The following MBNL1 variants were observed in gnomAD, a reference collection of about 807,000 sequenced individuals.
MBNL1 encodes the protein muscleblind-like protein 1.
In MBNL1, 8 loss-of-function variants were observed where a neutral mutation model predicts 42.2. The ratio of observed to expected loss-of-function variants is 0.19; its 90% CI spans 0.11 to 0.34. The LOEUF (loss-of-function observed/expected upper bound fraction) is 0.34, where lower values mean the gene tolerates loss of function less well. Among genes scored for constraint, MBNL1 ranks in the 10% least tolerant of loss-of-function variants. The probability of loss-of-function intolerance (pLI) is 1.00; values close to 1 mark genes in which losing one functional copy is unlikely to be tolerated. For missense variants in MBNL1, 309 were observed against 495.3 expected (o/e 0.62, Z 3.57); for synonymous variants, 169 against 173.9 (o/e 0.97, Z 0.22).
chr3:152,436,289 G>T (rs1228642786), intron 4 of MBNL1, among the ~76,000 whole-genome samples: 2 of 152,156 alleles, frequency 1.3e-5, no homozygotes, highest in Non-Finnish European at 1.5e-5. Flanking sequence ...TTATGAGGAA[G>T]ATACTATTAT....
upstream of MBNL1, chr3:152,267,643 A>G (rs2037588850): frequency 6.6e-6 from 1 of 152,234 alleles, no homozygotes; most frequent in Non-Finnish European, 1.5e-5. Context: ...TAAACGATTA[A>G]CGCTGGGAAG....
intron 2 of MBNL1, among the ~76,000 whole-genome samples, chr3:152,303,546 GA>G (rs1345068677): frequency 6.6e-6 from 1 of 151,822 alleles, no homozygotes; most frequent in African/African-American, 2.4e-5. Flanking sequence ...AAAGAGATAG[GA>G]AAAAAGAAAA....
At chr3:152,307,306 T>A (rs1312858261) in intron 2 of MBNL1, among the ~76,000 whole-genome samples, 2 of 152,194 alleles carry the variant, frequency 1.3e-5, no homozygotes, top group South Asian at 2.1e-4. Context: ...CATATTTATA[T>A]AAACAGTCAC....
intron 2 of MBNL1, among the ~76,000 whole-genome samples, chr3:152,411,436 T>G (rs2098562251): frequency 6.6e-6 from 1 of 152,066 alleles, no homozygotes. Flanking sequence ...AGGAGAATGG[T>G]GTGAACCCAG....
intron 2 of MBNL1, among the ~76,000 whole-genome samples, chr3:152,387,777 AAG>A (rs1482893997): frequency 6.6e-6 from 1 of 152,092 alleles, no homozygotes; most frequent in East Asian, 1.9e-4. Flanking sequence ...TTATATTTAA[AAG>A]AAATAAATTG....
chr3:152,354,503 A>G (rs1044350243), intron 2 of MBNL1, among the ~76,000 whole-genome samples: 6 of 152,186 alleles, frequency 3.9e-5, no homozygotes, highest in African/African-American at 1.4e-4. Context: ...CAGATTAATG[A>G]AAGAACTACA....
intron 2 of MBNL1, among the ~76,000 whole-genome samples, chr3:152,359,799 A>G (rs536315714): frequency 6.6e-6 from 1 of 152,334 alleles, no homozygotes; most frequent in East Asian, 1.9e-4. Context: ...TCAGTGATTC[A>G]TAGTGGTTTT....
chr3:152,422,193 G>A (rs899681266), intron 3 of MBNL1, among the ~76,000 whole-genome samples: 6 of 149,752 alleles, frequency 4.0e-5, no homozygotes, highest in East Asian at 2.0e-4. Flanking sequence ...CCCATCCTAC[G>A]TGCAAAGACA....
rs537954857 is a variant in MBNL1 at position 152,440,049 on chromosome 3, A to G, written c.550-5233A>G. Among the ~76,000 whole-genome samples, 32 of 152,204 alleles carry G rather than the reference A, an allele frequency of 2.1e-4. No individual in the cohort carries two copies. In the South Asian group the frequency reaches 6.6e-3, roughly 32 times the overall value. Reference sequence around the variant, plus strand: ...GTCATTCCTATTCAGATTTTATTTTATGTTTTTATAAGAGATCAAGTGGTA... The same window carrying G: ...GTCATTCCTATTCAGATTTTATTTTGTGTTTTTATAAGAGATCAAGTGGTA... On this transcript the variant is annotated intron_variant, in intron 4 of 9. Coordinates refer to ENST00000324210, the MANE Select transcript of MBNL1 (RefSeq NM_021038.5).
intron 2 of MBNL1, among the ~76,000 whole-genome samples, chr3:152,336,609 A>G (rs2090393817): frequency 6.6e-6 from 1 of 152,246 alleles, no homozygotes; most frequent in Non-Finnish European, 1.5e-5. Flanking sequence ...TTAAAATACT[A>G]ACTGCTTAGG....
At chr3:152,418,890 A>G (rs1464694356) in intron 3 of MBNL1, among the ~76,000 whole-genome samples, 2 of 151,606 alleles carry the variant, frequency 1.3e-5, no homozygotes, top group Admixed American at 1.3e-4. Context: ...CTAATTTTTT[A>G]TAGTTTTTGT....
At position 152,432,666 on chromosome 3, in the gene MBNL1, A is replaced by G. The variant is rs761523885; in HGVS notation, c.346-51A>G. 5 of 1,507,448 alleles carry G rather than the reference A, an allele frequency of 3.3e-6. No homozygotes were observed. The South Asian group carries it at 5.6e-5, about 17-fold the overall frequency. The allele number at this position is 1,507,448 out of a possible 1,614,324, so 93.4% of individuals were successfully genotyped here. A position where few individuals can be genotyped will look rare whatever the true frequency, so the allele number is the denominator to read the frequency against. On this transcript the variant is annotated intron_variant, in intron 3 of 9. Transcript: ENST00000324210. ...GACAAATGTATAATTAAGAATATCA[A>G]CTTTGAGCTGAGACCTGCATGTTAA...
At position 152,294,516 on chromosome 3, in the gene MBNL1, C is replaced by T. The variant is rs566431638; in HGVS notation, c.-789-4889C>T. Among the ~76,000 whole-genome samples the T allele has an allele frequency of 3.9e-3, 594 of 152,098 alleles. 3 individuals carry two copies. Among genetic ancestry groups the T allele is most frequent in the Admixed American group, 8.3e-3 (127 of 15,278 alleles). On this transcript the variant is annotated intron_variant, in intron 1 of 9. Transcript: ENST00000324210. ...AGCCAGGATGATCTTGATCTCCTGA[C>T]CTCGTGATCTGCCTGCCTCGGCCTC...
At chr3:152,461,824 T>A (rs1451846162) in intron 9 of MBNL1, among the ~76,000 whole-genome samples, 1 of 152,198 alleles carries the variant, frequency 6.6e-6, no homozygotes, top group Non-Finnish European at 1.5e-5. Context: ...AATTCTGTAA[T>A]TCAAAAAGAA....
At chr3:152,437,321 C>T (rs1346534383) in intron 4 of MBNL1, among the ~76,000 whole-genome samples, 2 of 152,158 alleles carry the variant, frequency 1.3e-5, no homozygotes, top group Non-Finnish European at 2.9e-5. Context: ...GATTGTCAGC[C>T]TTCTGGTTCT....
At chr3:152,324,359 T>A (rs1002765070) in intron 2 of MBNL1, among the ~76,000 whole-genome samples, 2 of 152,198 alleles carry the variant, frequency 1.3e-5, no homozygotes, top group African/African-American at 4.8e-5. Flanking sequence ...TTTCTTTGAT[T>A]TACTTGTTAT....
At chr3:152,246,213 A>G (rs971138197) in intron 2 of MBNL1, among the ~76,000 whole-genome samples, 1 of 152,210 alleles carries the variant, frequency 6.6e-6, no homozygotes, top group Non-Finnish European at 1.5e-5. Flanking sequence ...TAGTATGGTA[A>G]TATACTAAAT....
intron 1 of MBNL1, among the ~76,000 whole-genome samples, chr3:152,271,127 G>C (rs2041459016): frequency 1.3e-5 from 2 of 152,146 alleles, no homozygotes; most frequent in Admixed American, 6.5e-5. Flanking sequence ...AAGAGAAACT[G>C]AAGTGTTATA....
intron 3 of MBNL1, among the ~76,000 whole-genome samples, chr3:152,418,886 T>G (rs1172085258): frequency 6.6e-6 from 1 of 151,950 alleles, no homozygotes; most frequent in African/African-American, 2.4e-5. Flanking sequence ...CCGGCTAATT[T>G]TTTATAGTTT....
Sources: allele counts gnomAD v4.1 joint callset (sites outside exome capture counted in the v4.1 genomes callset), GRCh38; gene constraint gnomAD v4.1.1; transcripts MANE v1.5; gene names NCBI Gene and HGNC (gene_info 2026-07-23, HGNC 2026-07-21).